Variants in ERC2 observed in about 807,000 individuals in gnomAD.
ERC2 encodes ERC protein 2.
Under a neutral mutation model 114.8 loss-of-function variants are expected in ERC2, and 42 were observed. That is an observed-to-expected ratio of 0.37 (90% CI 0.29 to 0.47). The LOEUF is 0.47. ERC2 is among the 20% of genes least tolerant of loss of function. ERC2 has a pLI of 0.99. For synonymous variants in ERC2, 454 were observed against 425.5 expected (o/e 1.07, Z -0.82); for missense variants, 939 against 1,150.7 (o/e 0.82, Z 2.66).
At chr3:55,956,044 C>G (rs2067931804) in intron 12 of ERC2, among the ~76,000 whole-genome samples, 1 of 152,184 alleles carries the variant, frequency 6.6e-6, no homozygotes, top group Non-Finnish European at 1.5e-5. Flanking sequence ...CAGACCGCAG[C>G]ATGTTCACTC....
chr3:56,140,341 T>C (rs911273901), intron 5 of ERC2, among the ~76,000 whole-genome samples: 1 of 152,238 alleles, frequency 6.6e-6, no homozygotes, highest in Middle Eastern at 3.2e-3. Flanking sequence ...ATTTCTTTGC[T>C]TGTCTTTTAG....
chr3:56,310,587 TC>T (rs2056478898), intron 2 of ERC2, among the ~76,000 whole-genome samples: 1 of 150,952 alleles, frequency 6.6e-6, no homozygotes. Context: ...CCTGGGTTCA[TC>T]AGCCAAACTC....
At chr3:55,683,938 G>C (rs2062190732) in intron 16 of ERC2, 79 bp from the exon 17 acceptor site, 1 of 1,480,974 alleles carries the variant, frequency 6.8e-7, no homozygotes, top group African/African-American at 1.4e-5. Flanking sequence ...TAGTTACACC[G>C]AGATGCACTG....
At chr3:55,902,129 A>C (rs1183648549) in intron 13 of ERC2, among the ~76,000 whole-genome samples, 1 of 152,186 alleles carries the variant, frequency 6.6e-6, no homozygotes, top group Non-Finnish European at 1.5e-5. Flanking sequence ...GTAAGTAAAA[A>C]AATCACAGTA....
At chr3:55,539,240 G>A (rs1230100097) in intron 17 of ERC2, among the ~76,000 whole-genome samples, 2 of 152,034 alleles carry the variant, frequency 1.3e-5, no homozygotes, top group Non-Finnish European at 2.9e-5. Context: ...TGGCTTCAGA[G>A]ATCATCTGCC....
intron 2 of ERC2, among the ~76,000 whole-genome samples, chr3:56,327,607 C>T (rs1413882689): frequency 1.3e-5 from 2 of 152,056 alleles, no homozygotes; most frequent in Admixed American, 1.3e-4. Context: ...ACCAGGGAGG[C>T]GTAGGTTGCA....
chr3:55,811,011 G>A (rs1380425301), intron 14 of ERC2, among the ~76,000 whole-genome samples: 1 of 152,186 alleles, frequency 6.6e-6, no homozygotes, highest in East Asian at 1.9e-4. Context: ...TCCCATGTTA[G>A]GAGGAGTGCT....
chr3:55,623,175 T>G (rs1244103999), intron 17 of ERC2, among the ~76,000 whole-genome samples: 1 of 152,210 alleles, frequency 6.6e-6, no homozygotes, highest in Non-Finnish European at 1.5e-5. Context: ...CATTTCAGTT[T>G]CACCACTTGG....
intron 14 of ERC2, among the ~76,000 whole-genome samples, chr3:55,789,015 C>T (rs182734334): frequency 2.6e-5 from 4 of 152,310 alleles, no homozygotes; most frequent in East Asian, 1.9e-4. Context: ...CCAATTCAGA[C>T]TTTATGGGAT....
intron 7 of ERC2, among the ~76,000 whole-genome samples, chr3:56,043,605 C>A (rs564746475): frequency 1.3e-5 from 2 of 152,118 alleles, no homozygotes; most frequent in South Asian, 2.1e-4. Flanking sequence ...TCATGAAAAC[C>A]ACATGCAAAT....
intron 6 of ERC2, among the ~76,000 whole-genome samples, chr3:56,130,673 T>C (rs2080151183): frequency 6.6e-6 from 1 of 152,152 alleles, no homozygotes; most frequent in Non-Finnish European, 1.5e-5. Context: ...AGAACAACCA[T>C]AAAAAGCTTT....
chr3:55,689,363 G>A (rs2062510268), intron 16 of ERC2, among the ~76,000 whole-genome samples: 1 of 152,138 alleles, frequency 6.6e-6, no homozygotes, highest in Admixed American at 6.5e-5. Context: ...CACTGTGCCA[G>A]TTCATTCAGC....
At chr3:56,384,987 A>T (rs1473496224) in intron 2 of ERC2, among the ~76,000 whole-genome samples, 2 of 152,074 alleles carry the variant, frequency 1.3e-5, no homozygotes, top group African/African-American at 4.8e-5. Flanking sequence ...AAATTACTGG[A>T]TCATATATGT....
intron 3 of ERC2, among the ~76,000 whole-genome samples, chr3:56,194,059 C>T (rs1031745000): frequency 1.3e-5 from 2 of 152,100 alleles, no homozygotes; most frequent in African/African-American, 4.8e-5. Flanking sequence ...CTACATTTTC[C>T]ATCATGCCAT....
intron 1 of ERC2, among the ~76,000 whole-genome samples, chr3:56,446,080 T>A (rs552122525): frequency 9.2e-5 from 14 of 152,142 alleles, no homozygotes; most frequent in African/African-American, 1.7e-4. Flanking sequence ...ACTGAGGCTG[T>A]CCCTCCTCAG....
In ERC2 at chr3:55,873,303, A is replaced by G. The variant is rs1163544411; in HGVS notation, c.2564+15086T>C. ...GCAGGGTGGTGCCATTGTTAAACAC[A>G]TGGCCAAACCACAGGACAATCCTGA... On this transcript the variant is annotated intron_variant, in intron 14 of 17. Transcript: ENST00000288221. Among the ~76,000 whole-genome samples the G allele has an allele frequency of 3.3e-5, 5 of 152,162 alleles. No individual in the cohort carries two copies. The South Asian group carries it at 1.0e-3, about 32-fold the overall frequency.
chr3:56,384,636 T>C (rs1190865344), intron 2 of ERC2, among the ~76,000 whole-genome samples: 2 of 152,190 alleles, frequency 1.3e-5, no homozygotes, highest in African/African-American at 4.8e-5. Flanking sequence ...TTGCAAATAT[T>C]TTCTCCCATT....
At chr3:56,429,261 A>G (rs141184343) in intron 2 of ERC2, among the ~76,000 whole-genome samples, 211 of 152,282 alleles carry the variant, frequency 1.4e-3, no homozygotes, top group African/African-American at 4.9e-3. Flanking sequence ...CCACCCTCTC[A>G]TCAGCCCTGC....
In ERC2 at chr3:55,972,089, T is replaced by G. The variant is rs561426757; in HGVS notation, c.2267+13888A>C. 1.1e-4 allele frequency among the ~76,000 whole-genome samples: 17 copies of G among 152,218 alleles called. No individual in the cohort carries two copies. The South Asian group carries it at 3.5e-3, about 32-fold the overall frequency. ...ACCTATCATTCCATCCATCCTTCCA[T>G]CCATCCATCCACCTAGTCATCCAAC... On this transcript the variant is annotated intron_variant, in intron 12 of 17. Transcript: ENST00000288221.
Sources: allele counts gnomAD v4.1 joint callset (sites outside exome capture counted in the v4.1 genomes callset), GRCh38; gene constraint gnomAD v4.1.1; transcripts MANE v1.5; gene names NCBI Gene and HGNC (gene_info 2026-07-23, HGNC 2026-07-21).